ZFR: variants seen among roughly 807,000 people sequenced by gnomAD.
ZFR encodes the protein zinc finger RNA binding protein, also known as zinc finger RNA-binding protein.
ZFR carries 19 observed loss-of-function variants against 130.7 expected under a neutral mutation model. The ratio of observed to expected loss-of-function variants is 0.15; its 90% CI spans 0.10 to 0.21. The LOEUF (loss-of-function observed/expected upper bound fraction) is 0.21. Ranked by LOEUF, ZFR falls within the 10% of genes least tolerant of loss-of-function variation. The pLI is 1.00. For synonymous variants in ZFR, 466 were observed against 456.9 expected, an observed-to-expected ratio of 1.02 and a Z score of -0.25; for missense variants, 872 against 1,321.5, an observed-to-expected ratio of 0.66 and a Z score of 5.27.
chr5:32,388,954 CCTTAGAAA>C, intron 12 of ZFR, among the ~76,000 whole-genome samples: 1 of 152,162 alleles, frequency 6.6e-6, no homozygotes, highest in Non-Finnish European at 1.5e-5. Flanking sequence ...CTTTACTCAA[CCTTAGAAA>C]CCAGTGATTC....
At chr5:32,405,593 A>G (rs1223606335) in intron 6 of ZFR, among the ~76,000 whole-genome samples, 1 of 152,202 alleles carries the variant, frequency 6.6e-6, no homozygotes, top group Non-Finnish European at 1.5e-5. Context: ...TAAATTTCTT[A>G]TGTCCAAGTC....
chr5:32,375,500 T>C (rs1156665928), intron 17 of ZFR, among the ~76,000 whole-genome samples: 1 of 152,164 alleles, frequency 6.6e-6, no homozygotes, highest in Non-Finnish European at 1.5e-5. Flanking sequence ...AAAATATCAT[T>C]TGTAGATATG....
chr5:32,415,528 G>A (rs558133090), intron 4 of ZFR, among the ~76,000 whole-genome samples: 3,748 of 151,412 alleles, frequency 0.025, 59 homozygotes, highest in African/African-American at 0.032. Flanking sequence ...GCGCGCGCGC[G>A]CGCGCACTAG....
intron 15 of ZFR, among the ~76,000 whole-genome samples, chr5:32,382,623 C>G (rs1486314868): frequency 6.6e-6 from 1 of 151,020 alleles, no homozygotes; most frequent in African/African-American, 2.4e-5. Flanking sequence ...ATTTTTTTTT[C>G]TTTGAGATGG....
At chr5:32,359,649 G>A (rs1472264656) in intron 19 of ZFR, among the ~76,000 whole-genome samples, 3 of 152,168 alleles carry the variant, frequency 2.0e-5, no homozygotes, top group African/African-American at 7.2e-5. Flanking sequence ...AAATCACTAT[G>A]ATTAGGAAAG....
chr5:32,379,305 G>T, intron 16 of ZFR, 95 bp from the exon 17 acceptor site: 2 of 1,069,528 alleles, frequency 1.9e-6, no homozygotes, highest in Non-Finnish European at 2.9e-6. Context: ...TTCAATGGAA[G>T]CTCAGATAAA....
intron 5 of ZFR, among the ~76,000 whole-genome samples, chr5:32,414,100 C>T (rs1753770478): frequency 6.6e-6 from 1 of 152,308 alleles, no homozygotes; most frequent in East Asian, 1.9e-4. Context: ...CATAGCAGAG[C>T]ACACATGGCT....
intron 2 of ZFR, among the ~76,000 whole-genome samples, chr5:32,428,605 T>C (rs582495): frequency 0.41 from 62,161 of 152,026 alleles, 12,918 homozygotes; most frequent in East Asian, 0.56. Context: ...CGTTTAGCAG[T>C]TGGTTGACTT....
In ZFR at chr5:32,379,902, T is replaced by C. The variant is rs182324049; in HGVS notation, c.2739+173A>G. 4.6e-4 allele frequency: 224 copies of C among 489,240 alleles called. 1 individual carries two copies. Among genetic ancestry groups the C allele is most frequent in the African/African-American group, 3.5e-3 (184 of 52,454 alleles). 30.3% of individuals were successfully genotyped at this position (489,240 alleles called of 1,614,324 possible). A position where few individuals can be genotyped will look rare whatever the true frequency, so the allele number is the denominator to read the frequency against. ...AGTTCATTGTCAAATTAATAATAACTGCAATATGCAGATCATCATACCCAG... is the reference window on the plus strand; with the variant it reads ...AGTTCATTGTCAAATTAATAATAACCGCAATATGCAGATCATCATACCCAG... On this transcript the variant is annotated intron_variant, in intron 16 of 19. Coordinates refer to ENST00000265069, the MANE Select transcript of ZFR (RefSeq NM_016107.5).
At chr5:32,436,606 G>A (rs937419774) in intron 2 of ZFR, among the ~76,000 whole-genome samples, 1 of 152,132 alleles carries the variant, frequency 6.6e-6, no homozygotes, top group Non-Finnish European at 1.5e-5. Flanking sequence ...ATATATGCCA[G>A]ATACTGTTCT....
Position 32,444,212 on chromosome 5 carries a change from A to G in ZFR, c.137+17T>C. On this transcript the variant is annotated intron_variant, in intron 2 of 19. Coordinates refer to ENST00000265069, the MANE Select transcript of ZFR (RefSeq NM_016107.5). Reference sequence around the variant, plus strand: ...GGAGAGCAAGGGGCGAACAGAGAGAAGGCAGGATGCCGTTACCTATATTGG... The same window carrying G: ...GGAGAGCAAGGGGCGAACAGAGAGAGGGCAGGATGCCGTTACCTATATTGG... 1 of 1,595,524 alleles carries G rather than the reference A, an allele frequency of 6.3e-7. No individual in the cohort carries two copies.
intron 4 of ZFR, among the ~76,000 whole-genome samples, chr5:32,416,529 G>A (rs2963985): frequency 0.41 from 61,547 of 150,368 alleles, 12,749 homozygotes; most frequent in East Asian, 0.56. Context: ...CAGGAGAATC[G>A]CTTGAATCCA....
At chr5:32,394,727 A>G (rs1262316415) in intron 11 of ZFR, among the ~76,000 whole-genome samples, 1 of 152,066 alleles carries the variant, frequency 6.6e-6, no homozygotes, top group Non-Finnish European at 1.5e-5. Context: ...TTGTATCTTT[A>G]TATATATATA....
At chr5:32,396,573 A>G (rs540855049) in intron 10 of ZFR, among the ~76,000 whole-genome samples, 1 of 152,188 alleles carries the variant, frequency 6.6e-6, no homozygotes, top group African/African-American at 2.4e-5. Context: ...CCCCATCTCT[A>G]CTAAAAATAC....
chr5:32,379,573 G>A (rs1752893510), intron 16 of ZFR: 1 of 252,228 alleles, frequency 4.0e-6, no homozygotes, highest in East Asian at 1.2e-4. Flanking sequence ...AAAGGTTAAG[G>A]AAATCTGTTT....
At chr5:32,358,589 G>GGCT (rs1177168979) in intron 19 of ZFR, among the ~76,000 whole-genome samples, 4 of 151,956 alleles carry the variant, frequency 2.6e-5, no homozygotes, top group Non-Finnish European at 5.9e-5. Context: ...CCCCGGAGGC[G>GGCT]GCTGCACTCC....
chr5:32,418,746 A>G (rs1036169943), intron 3 of ZFR, among the ~76,000 whole-genome samples: 2 of 152,248 alleles, frequency 1.3e-5, no homozygotes, highest in Non-Finnish European at 2.9e-5. Context: ...TTTTTACTGC[A>G]TAAATTTCTA....
chr5:32,422,036 T>C (rs575661042), intron 2 of ZFR, among the ~76,000 whole-genome samples: 230 of 152,180 alleles, frequency 1.5e-3, no homozygotes, highest in Non-Finnish European at 2.6e-3. Context: ...CAGGATAAGA[T>C]TAAATACATC....
At chr5:32,402,596 A>G (rs531824218) in intron 8 of ZFR, among the ~76,000 whole-genome samples, 1 of 148,690 alleles carries the variant, frequency 6.7e-6, no homozygotes, top group South Asian at 2.1e-4. Context: ...GTGAAACCCC[A>G]TCTCTACCAA....
Sources: gnomAD v4.1 joint callset for allele counts (sites outside exome capture counted in the v4.1 genomes callset) on GRCh38, gnomAD v4.1.1 for gene constraint, MANE v1.5 for transcripts, NCBI Gene and HGNC (gene_info 2026-07-23, HGNC 2026-07-21) for gene names.